Variants in MUC4 observed in about 807,000 individuals in gnomAD.
MUC4 encodes the protein mucin-4.
MUC4 carries 202 observed loss-of-function variants against 257.9 expected under a neutral mutation model. The ratio of observed to expected loss-of-function variants is 0.78; its 90% CI spans 0.70 to 0.88. The LOEUF is 0.88. Among genes scored for constraint, MUC4 ranks in the 40% least tolerant of loss-of-function variants. MUC4 has a pLI of 0.00. For missense variants in MUC4, 5,976 were observed against 6,513.7 expected (o/e 0.92, Z 2.84); for synonymous variants, 2,351 against 2,757.1 (o/e 0.85, Z 4.62).
intron 4 of MUC4, 49 bp from the exon 5 acceptor site, chr3:195,771,865 G>T: frequency 6.3e-7 from 1 of 1,590,954 alleles, no homozygotes; most frequent in Non-Finnish European, 8.6e-7. Flanking sequence ...AAGTGGGGAG[G>T]AAAGTCCCAG....
chr3:195,766,793 G>T, intron 7 of MUC4, 42 bp from the exon 8 acceptor site: 1 of 1,585,172 alleles, frequency 6.3e-7, no homozygotes, highest in Middle Eastern at 1.8e-4. Flanking sequence ...CCGTGCACAG[G>T]CTCTTGCCTC....
chr3:195,805,837 C>G (rs906910516), intron 1 of MUC4, among the ~76,000 whole-genome samples: 1 of 151,824 alleles, frequency 6.6e-6, no homozygotes, highest in African/African-American at 2.4e-5. Flanking sequence ...TAATCTGGGC[C>G]GGGCGCAGTG....
rs1434075692 is a variant in MUC4 at position 195,757,924 on chromosome 3, C to T, written c.14987-596G>A. ...TAGACGAACGTAATTTCCAGACCAT[C>T]GTCCTTCAGGGGTGGGGCCCGTGGA... On this transcript the variant is annotated intron_variant, in intron 17 of 24. Coordinates refer to ENST00000463781, the MANE Select transcript of MUC4 (RefSeq NM_018406.7). The surrounding 1 kb of genome is among the most constrained non-coding windows in gnomAD (Gnocchi z 4.8). Among the ~76,000 whole-genome samples, 2 of 152,200 alleles carry T rather than the reference C, an allele frequency of 1.3e-5. No homozygotes were observed. Among genetic ancestry groups the T allele is most frequent in the African/African-American group, 4.8e-5 (2 of 41,450 alleles).
chr3:195,753,150 G>T lies in MUC4; in HGVS notation c.15409C>A (p.Gln5137Lys). 1 of 1,613,506 alleles carries T rather than the reference G, an allele frequency of 6.2e-7. No individual in the cohort carries two copies. Among genetic ancestry groups the T allele is most frequent in the Non-Finnish European group, 8.5e-7 (1 of 1,179,814 alleles). ...CACATGGGCTGACAGCCCAGAGTCT[G>T]GGAGATGTAGCAGTGGCCTTGATTG... ...CYNQGHCYIS[Q>K]TLGCQPMCTC... The change falls in exon 20 of 25, where the codon CAG becomes AAG. Residue 5137 changes from glutamine (Q) to lysine (K), a missense_variant. Physicochemically the swap from Gln to Lys is moderately conservative, Grantham distance 53. Around this residue, in one of 44 missense-constraint regions of MUC4, gnomAD observed 996 missense variants for 1,137.3 expected, o/e 0.88. Transcript: ENST00000463781.
chr3:195,779,733 G>C lies in MUC4; in HGVS notation c.11847C>G (p.Asp3949Glu), dbSNP rs1445418762. The stretch of plus-strand genomic sequence containing the variant: ...TGTCGGTGACAGGAAGAGGGGTGGT[G>C]TCACCTGTGGATGCTGAGGAAGTGC... ...VTSTSSASTG[D>E]TTPLPVTDTS... The change falls in exon 2 of 25, where the codon GAC becomes GAG. Residue 3949 changes from aspartate to glutamate, a missense_variant. Transcript: ENST00000463781. The C allele has an allele frequency of 2.1e-6, 3 of 1,443,786 alleles. No individual in the cohort carries two copies. The highest frequency in any genetic ancestry group is 1.8e-6 in the Non-Finnish European group (2 of 1,087,006). The allele number at this position is 1,443,786 out of a possible 1,614,324, so 89.4% of individuals were successfully genotyped here.
At chr3:195,805,404 C>T (rs146605783) in intron 1 of MUC4, among the ~76,000 whole-genome samples, 6 of 152,324 alleles carry the variant, frequency 3.9e-5, no homozygotes, top group Non-Finnish European at 7.3e-5. Flanking sequence ...TTTTCCCCAA[C>T]GCCTCCTTCT....
Position 195,790,571 on chromosome 3 carries a change from G to C in MUC4, c.1009C>G (p.Gln337Glu). 2 of 1,614,008 alleles carry C rather than the reference G, an allele frequency of 1.2e-6. No homozygotes were observed. The highest frequency in any genetic ancestry group is 1.1e-5 in the South Asian group (1 of 91,080). ...GTGAGGGTGTTGAGGGTGTTGATTT[G>C]AGATACTCTGGTGGTCTCCACGCTC... ...TQSVETTRVS[Q>E]INTLNTLTPV... The change falls in exon 2 of 25, where the codon CAA becomes GAA. Residue 337 changes from glutamine to glutamate, a missense_variant. Physicochemically the swap from Gln to Glu is conservative, Grantham distance 29 (BLOSUM62 2). This residue lies in a region of MUC4 where 1,583 missense variants were observed against 1,257.4 expected (regional missense o/e 1.26). Coordinates refer to ENST00000463781, the MANE Select transcript of MUC4 (RefSeq NM_018406.7).
chr3:195,788,516 T>C lies in MUC4; in HGVS notation c.3064A>G (p.Thr1022Ala), dbSNP rs13065584. The C allele has an allele frequency of 1.5e-3, 1,413 of 948,102 alleles. 7 individuals carry two copies. In the African/African-American group the frequency reaches 0.019, roughly 13 times the overall value. 58.7% of individuals were successfully genotyped at this position (948,102 alleles called of 1,614,324 possible). ...TSPSSVSTGH[T>A]TPLPVTDTSS... ...GTGTCGGTGACAGGAAGAGGGGTGGTGTGACCTGTGGATACTGAGGAAGGG... is the reference window on the plus strand; with the variant it reads ...GTGTCGGTGACAGGAAGAGGGGTGGCGTGACCTGTGGATACTGAGGAAGGG... Residue 1022 changes from threonine to alanine, a missense_variant, in exon 2 of 25, where the codon ACC (threonine) becomes GCC (alanine). This residue lies in a region of MUC4 where 1,583 missense variants were observed against 1,257.4 expected (regional missense o/e 1.26). Coordinates refer to ENST00000463781, the MANE Select transcript of MUC4 (RefSeq NM_018406.7).
chr3:195,781,204 A>C lies in MUC4; in HGVS notation c.10376T>G (p.Val3459Gly). 1.4e-6 allele frequency: 2 copies of C among 1,410,138 alleles called. No individual in the cohort carries two copies. Among genetic ancestry groups the C allele is most frequent in the East Asian group, 2.8e-5 (1 of 35,992 alleles). The allele number at this position is 1,410,138 out of a possible 1,614,324, so 87.4% of individuals were successfully genotyped here. Reference protein sequence around the residue: ...ASTGHTTPLPVTDTSSASTGD... With the variant: ...ASTGHTTPLPGTDTSSASTGD... The stretch of plus-strand genomic sequence containing the variant: ...TGTGGATGCTGAGGAAGTGTCGGTG[A>C]CAGGAAGAGGGGTGGTGTGACCTGT... The change falls in exon 2 of 25, where the codon GTC becomes GGC. Residue 3459 changes from valine to glycine, a missense_variant. Transcript: ENST00000463781.
intron 18 of MUC4, among the ~76,000 whole-genome samples, chr3:195,754,871 A>G (rs1577953231): frequency 4.3e-5 from 1 of 23,000 alleles, no homozygotes; most frequent in African/African-American, 8.2e-5. Flanking sequence ...ATATGTATCA[A>G]TGTATGTATC....
chr3:195,770,616 T>G (rs1327648930), intron 5 of MUC4: 1 of 567,372 alleles, frequency 1.8e-6, no homozygotes, highest in Admixed American at 3.1e-5. Flanking sequence ...CCTCTGGACT[T>G]GAACTCAAGC....
At chr3:195,770,879 C>T (rs1260702436) in intron 5 of MUC4, 1 of 457,922 alleles carries the variant, frequency 2.2e-6, no homozygotes, top group East Asian at 6.9e-5. Flanking sequence ...GGATAGACCC[C>T]CTACAGCCTG....
At chr3:195,748,847 C>T in intron 24 of MUC4, 55 bp downstream of exon 24, 2 of 1,490,134 alleles carry the variant, frequency 1.3e-6, no homozygotes, top group South Asian at 1.4e-5. Flanking sequence ...CAGTGTCTTG[C>T]CCAGCTTGGG....
At chr3:195,797,720 G>A (rs1734737155) in intron 1 of MUC4, among the ~76,000 whole-genome samples, 1 of 152,106 alleles carries the variant, frequency 6.6e-6, no homozygotes, top group South Asian at 2.1e-4. Flanking sequence ...CAAGCCTATG[G>A]TTATTTGCAG....
rs1378721741 is a variant in MUC4, at chr3:195,778,738, T to C, written c.12790+52A>G. Reference sequence around the variant, plus strand: ...GTTCTCAGGTACTCCTTAGGCTGAATTCCGCCAAGGGGCCCACTGGGAGAC... The same window carrying C: ...GTTCTCAGGTACTCCTTAGGCTGAACTCCGCCAAGGGGCCCACTGGGAGAC... On this transcript the variant is annotated intron_variant, in intron 2 of 24. Coordinates refer to ENST00000463781, the MANE Select transcript of MUC4 (RefSeq NM_018406.7). 4.6e-6 allele frequency: 7 copies of C among 1,528,186 alleles called. No homozygotes were observed. The Admixed American group carries it at 1.2e-4, about 25-fold the overall frequency. The allele number at this position is 1,528,186 out of a possible 1,614,324, so 94.7% of individuals were successfully genotyped here. A position where few individuals can be genotyped will look rare whatever the true frequency, so the allele number is the denominator to read the frequency against.
chr3:195,793,538 A>C (rs1362545170), intron 1 of MUC4, among the ~76,000 whole-genome samples: 2 of 152,012 alleles, frequency 1.3e-5, no homozygotes, highest in Non-Finnish European at 2.9e-5. Context: ...AAAAGGAGAG[A>C]GAGATGGGGG....
At position 195,765,349 on chromosome 3, in the gene MUC4, G is replaced by C. The variant is rs751949619; in HGVS notation, c.13719C>G (p.Ser4573Arg). The stretch of plus-strand genomic sequence containing the variant: ...GGCAGGAGACCTGGTTCCAGCCCCA[G>C]CTGGGCCACCGAGGCTGGCTCTTCA... ...QWLKSQPRWP[S>R]WGWNQVSCPC... is the part of the protein sequence containing the mutation. Residue 4573 changes from serine (S) to arginine (R), a missense_variant, in exon 9 of 25, where the codon AGC becomes AGG. Physicochemically the swap from Ser to Arg is moderately radical, Grantham distance 110. Coordinates refer to ENST00000463781, the MANE Select transcript of MUC4 (RefSeq NM_018406.7). 1.2e-6 allele frequency: 2 copies of C among 1,613,772 alleles called. No homozygotes were observed. The highest frequency in any genetic ancestry group is 1.7e-6 in the Non-Finnish European group (2 of 1,180,026).
intron 24 of MUC4, 25 bp downstream of exon 24, chr3:195,748,877 A>C (rs1715732064): frequency 1.3e-6 from 2 of 1,539,604 alleles, no homozygotes; most frequent in Non-Finnish European, 1.7e-6. Context: ...ACTGTCCTCC[A>C]CCTCCTGGCC....
In MUC4 at chr3:195,788,883, C is replaced by T. The variant is rs745976474; in HGVS notation, c.2697G>A (p.Gln899=). The stretch of plus-strand genomic sequence containing the variant: ...CCATCCGGGAAATGGCGGCTGTCTC[C>T]TGAGGAGAGGCACTGGGAGAAGTTG... ...SSPTSPSASP[Q]ETAAISRMAQ... The change falls in exon 2 of 25, where the codon CAG becomes CAA. Residue 899 remains glutamine (Q), a synonymous_variant. Coordinates refer to ENST00000463781, the MANE Select transcript of MUC4 (RefSeq NM_018406.7). 4.3e-6 allele frequency: 7 copies of T among 1,613,784 alleles called. No homozygotes were observed. Among genetic ancestry groups the T allele is most frequent in the Middle Eastern group, 1.6e-4 (1 of 6,062 alleles).
Sources: gnomAD v4.1 joint callset for allele counts (sites outside exome capture counted in the v4.1 genomes callset) on GRCh38, gnomAD v4.1.1 for gene constraint, gnomAD v4.1.1 regional missense constraint, Gnocchi (gnomAD v3.1) non-coding constraint, MANE v1.5 for transcripts, NCBI Gene and HGNC (gene_info 2026-07-23, HGNC 2026-07-21) for gene names.